Variants in RBM44 observed in about 807,000 individuals in gnomAD.
RBM44 encodes the protein RNA binding motif protein 44.
RBM44 carries 66 observed loss-of-function variants against 105.1 expected under a neutral mutation model. The observed-to-expected ratio is 0.63, with a 90% CI of 0.52 to 0.77. RBM44 has a LOEUF of 0.77. Ranked by LOEUF, RBM44 falls within the 30% of genes least tolerant of loss-of-function variation. RBM44 has a pLI of 0.00. For synonymous variants in RBM44, 365 were observed against 417.6 expected (o/e 0.87, Z 1.54); for missense variants, 1,122 against 1,207.8 (o/e 0.93, Z 1.05).
chr2:237,806,580 C>T (rs1022968477), intron 1 of RBM44, among the ~76,000 whole-genome samples: 1 of 152,162 alleles, frequency 6.6e-6, no homozygotes, highest in African/African-American at 2.4e-5. Flanking sequence ...AGAACAAGGA[C>T]TTCAAGCAAA....
intron 10 of RBM44, 127 bp downstream of exon 10, chr2:237,824,546 T>A: frequency 1.3e-6 from 1 of 743,080 alleles, no homozygotes; most frequent in Non-Finnish European, 2.0e-6. Flanking sequence ...GGCTTTTCTT[T>A]ATAAATAAAA....
chr2:237,826,769 T>C (rs2061852039), intron 10 of RBM44, among the ~76,000 whole-genome samples: 1 of 151,804 alleles, frequency 6.6e-6, no homozygotes, highest in African/African-American at 2.4e-5. Context: ...AGGCTCATTA[T>C]TCCCTAAACA....
rs982648715 is a variant in RBM44, at chr2:237,803,278, C to G, written c.-19+4417C>G. Among the ~76,000 whole-genome samples the G allele has an allele frequency of 4.0e-5, 6 of 151,684 alleles. No individual in the cohort carries two copies. The highest frequency in any genetic ancestry group is 7.4e-5 in the Non-Finnish European group (5 of 67,920). On this transcript the variant is annotated intron_variant, in intron 1 of 15. Transcript: ENST00000316997. The surrounding 1 kb of genome is among the most constrained non-coding windows in gnomAD (Gnocchi z 4.2). Reference sequence around the variant, plus strand: ...CGAGACACACACACACACACAGTCTCTCTGTCTCTGGGTGACAGAGCGAGA... The same window carrying G: ...CGAGACACACACACACACACAGTCTGTCTGTCTCTGGGTGACAGAGCGAGA...
At chr2:237,805,825 C>G (rs187167427) in intron 1 of RBM44, among the ~76,000 whole-genome samples, 8 of 152,152 alleles carry the variant, frequency 5.3e-5, no homozygotes, top group Admixed American at 4.6e-4. Context: ...ATTAGCCAGG[C>G]ATGGTGTTGT....
Position 237,817,187 on chromosome 2 carries a change from G to C in RBM44, c.268G>C (p.Glu90Gln), listed in dbSNP as rs747723954. 7 of 1,602,630 alleles carry C rather than the reference G, an allele frequency of 4.4e-6. No individual in the cohort carries two copies. Among genetic ancestry groups the C allele is most frequent in the Non-Finnish European group, 6.0e-6 (7 of 1,175,436 alleles). Reference protein sequence around the residue: ...FFSVSQDTNTESTQFQSSELE... With the variant: ...FFSVSQDTNTQSTQFQSSELE... ...TTCAGTGAGTCAAGATACTAACACAGAGAGTACTCAGTTTCAGTCAAGTGA... is the reference window on the plus strand; with the variant it reads ...TTCAGTGAGTCAAGATACTAACACACAGAGTACTCAGTTTCAGTCAAGTGA... Residue 90 changes from glutamate to glutamine, a missense_variant, in exon 3 of 16, where the codon GAG (glutamate) becomes CAG (glutamine). Physicochemically the swap from Glu to Gln is conservative, Grantham distance 29. Transcript: ENST00000316997.
intron 13 of RBM44, among the ~76,000 whole-genome samples, chr2:237,831,310 T>C (rs2061901302): frequency 6.6e-6 from 1 of 151,502 alleles, no homozygotes; most frequent in South Asian, 2.1e-4. Flanking sequence ...AGATGGAGTC[T>C]CATTCTGTCG....
At chr2:237,801,318 G>T (rs1277671011) in intron 1 of RBM44, among the ~76,000 whole-genome samples, 1 of 152,182 alleles carries the variant, frequency 6.6e-6, no homozygotes, top group African/African-American at 2.4e-5. Context: ...AACAGCGTGA[G>T]ACCCTGACTT....
At position 237,829,256 on chromosome 2, in the gene RBM44, G is replaced by C. The variant is rs747256830; in HGVS notation, c.2640G>C (p.Lys880Asn). Residue 880 changes from lysine to asparagine, a missense_variant, in exon 13 of 16, where the codon AAG becomes AAC. By Grantham distance (94) the Lys-to-Asn change is moderately conservative. Coordinates refer to ENST00000316997, the MANE Select transcript of RBM44 (RefSeq NM_001080504.3). ...SLAFTKNSDA[K>N]IAVKEMNGIE... Reference sequence around the variant, plus strand: ...CTTTTACAAAAAACAGCGATGCAAAGATAGCTGTGAAAGAAATGAATGGGA... The same window carrying C: ...CTTTTACAAAAAACAGCGATGCAAACATAGCTGTGAAAGAAATGAATGGGA... 5 of 1,612,682 alleles carry C rather than the reference G, an allele frequency of 3.1e-6. No homozygotes were observed. In the Admixed American group the frequency reaches 8.3e-5, roughly 27 times the overall value.
chr2:237,837,058 G>A (rs75110853), intron 15 of RBM44, among the ~76,000 whole-genome samples: 4,179 of 152,188 alleles, frequency 0.027, 83 homozygotes, highest in Middle Eastern at 0.085. Context: ...TTTAGAGGTT[G>A]GGTCTTACCA....
chr2:237,823,526 C>G lies in RBM44; in HGVS notation c.2292C>G (p.Asp764Glu). ...TTAAAAATGGTGATATAAATGCAGA[C>G]TTTAGTCAACTGAAACTTGGTGATA... ...DDFKNGDINA[D>E]FSQLKLGDKD... Residue 764 changes from aspartate to glutamate, a missense_variant, in exon 9 of 16, where the codon GAC becomes GAG. Transcript: ENST00000316997. 6.6e-7 allele frequency: 1 copy of G among 1,515,606 alleles called. No homozygotes were observed. Among genetic ancestry groups the G allele is most frequent in the Non-Finnish European group, 9.0e-7 (1 of 1,113,724 alleles). 93.9% of individuals were successfully genotyped at this position (1,515,606 alleles called of 1,614,324 possible).
At chr2:237,809,102 C>T (rs572286748) in intron 1 of RBM44, among the ~76,000 whole-genome samples, 1 of 152,232 alleles carries the variant, frequency 6.6e-6, no homozygotes, top group Admixed American at 6.5e-5. Flanking sequence ...TCAGCCCCTA[C>T]CAATTTGATA....
intron 4 of RBM44, 144 bp downstream of exon 4, chr2:237,819,103 A>G: frequency 2.3e-6 from 1 of 442,602 alleles, no homozygotes; most frequent in Non-Finnish European, 4.1e-6. Flanking sequence ...TTGCATTCAA[A>G]TAAATATTAA....
Position 237,818,573 on chromosome 2 carries a change from CCTA to C in RBM44, c.1655_1657del (p.Pro552_Asn553delinsHis). 1 of 1,547,580 alleles carries C rather than the reference CCTA, an allele frequency of 6.5e-7. No homozygotes were observed. The highest frequency in any genetic ancestry group is 2.3e-5 in the East Asian group (1 of 44,024). ...ATCTCTCTCCGTTGACAGTTTAAAA[CCTA>C]ATGGAAATTTTCTAAATAAGGTAAA... On this transcript the variant is annotated inframe_deletion, in exon 3 of 16. Transcript: ENST00000316997. This position sits in a 1 kb window ranked among gnomAD's most constrained non-coding sequence, Gnocchi z 4.6.
At chr2:237,821,311 A>C (rs74272432) in intron 6 of RBM44, 35 bp from the exon 7 acceptor site, 35,958 of 1,559,928 alleles carry the variant, frequency 0.023, 522 homozygotes, top group East Asian at 0.052. Context: ...AAAACATTTT[A>C]AACAAAGATT....
chr2:237,830,133 G>C (rs1027731865), intron 13 of RBM44, among the ~76,000 whole-genome samples: 1 of 152,110 alleles, frequency 6.6e-6, no homozygotes, highest in Non-Finnish European at 1.5e-5. Flanking sequence ...CTTGTGCTCT[G>C]ATCTGTTTCC....
intron 2 of RBM44, among the ~76,000 whole-genome samples, chr2:237,815,362 T>A (rs1229315621): frequency 6.6e-6 from 1 of 152,178 alleles, no homozygotes; most frequent in Admixed American, 6.6e-5. Flanking sequence ...TGCCCAGAAT[T>A]GAACTCATTA....
Position 237,839,794 on chromosome 2 carries a change from C to T in RBM44, c.*23-2045C>T, listed in dbSNP as rs759690813. Among the ~76,000 whole-genome samples the T allele has an allele frequency of 4.4e-4, 67 of 152,228 alleles. 1 individual carries two copies. The highest frequency in any genetic ancestry group is 3.4e-4 in the Non-Finnish European group (23 of 68,024). On this transcript the variant is annotated intron_variant, in intron 15 of 15. Coordinates refer to ENST00000316997, the MANE Select transcript of RBM44 (RefSeq NM_001080504.3). ...AAAAGAAGATACATATATTAGACTTCATCAAAATCAAGAACTTGAACATCA... is the reference window on the plus strand; with the variant it reads ...AAAAGAAGATACATATATTAGACTTTATCAAAATCAAGAACTTGAACATCA...
chr2:237,819,011 A>G lies in RBM44; in HGVS notation c.1736+52A>G, dbSNP rs1392162962. On this transcript the variant is annotated intron_variant, in intron 4 of 15. Coordinates refer to ENST00000316997, the MANE Select transcript of RBM44 (RefSeq NM_001080504.3). Reference sequence around the variant, plus strand: ...TACATCTGGAAGAAAAAATCAAAATAGTATTTGCTTTCTGTATAGCATACT... The same window carrying G: ...TACATCTGGAAGAAAAAATCAAAATGGTATTTGCTTTCTGTATAGCATACT... 1.2e-5 allele frequency: 11 copies of G among 954,450 alleles called. No homozygotes were observed. In the East Asian group the frequency reaches 3.0e-4, roughly 26 times the overall value. 59.1% of individuals were successfully genotyped at this position (954,450 alleles called of 1,614,324 possible). A position where few individuals can be genotyped will look rare whatever the true frequency, so the allele number is the denominator to read the frequency against.
chr2:237,818,308 A>C lies in RBM44; in HGVS notation c.1389A>C (p.Thr463=). The change falls in exon 3 of 16, where the codon ACA becomes ACC. Residue 463 remains threonine, a synonymous_variant. Coordinates refer to ENST00000316997, the MANE Select transcript of RBM44 (RefSeq NM_001080504.3). This position sits in a 1 kb window ranked among gnomAD's most constrained non-coding sequence, Gnocchi z 4.6. Reference sequence around the variant, plus strand: ...CAGATGCAGCAAGTTGTACAGTCACAATTAATCAGACAGTGGACGTTAGCA... The same window carrying C: ...CAGATGCAGCAAGTTGTACAGTCACCATTAATCAGACAGTGGACGTTAGCA... ...SLTDAASCTV[T]INQTVDVSTD... 1 of 1,613,404 alleles carries C rather than the reference A, an allele frequency of 6.2e-7. No individual in the cohort carries two copies. Among genetic ancestry groups the C allele is most frequent in the Non-Finnish European group, 8.5e-7 (1 of 1,179,568 alleles).
Sources: allele counts gnomAD v4.1 joint callset (sites outside exome capture counted in the v4.1 genomes callset), GRCh38; gene constraint gnomAD v4.1.1; non-coding constraint Gnocchi (gnomAD v3.1); transcripts MANE v1.5; gene names NCBI Gene and HGNC (gene_info 2026-07-23, HGNC 2026-07-21).